Variants in DNAH7 observed in about 807,000 individuals in gnomAD.
DNAH7 encodes dynein axonemal heavy chain 7.
DNAH7 carries 397 observed loss-of-function variants against 444.6 expected under a neutral mutation model. The ratio of observed to expected loss-of-function variants is 0.89; its 90% CI spans 0.82 to 0.97. The LOEUF (loss-of-function observed/expected upper bound fraction) is 0.97, where lower values mean the gene tolerates loss of function less well. DNAH7 is among the 50% of genes least tolerant of loss of function. The pLI is 0.00. For synonymous variants in DNAH7, 1,636 were observed against 1,624.4 expected, an observed-to-expected ratio of 1.01 and a Z score of -0.17; for missense variants, 4,902 against 4,800.8, an observed-to-expected ratio of 1.02 and a Z score of -0.62.
At chr2:195,880,452 C>T (rs1015281284) in intron 36 of DNAH7, among the ~76,000 whole-genome samples, 1 of 151,998 alleles carries the variant, frequency 6.6e-6, no homozygotes, top group African/African-American at 2.4e-5. Context: ...CCTCAGCCAC[C>T]TGAGTAGCTG....
intron 54 of DNAH7, among the ~76,000 whole-genome samples, chr2:195,802,708 C>A (rs990723709): frequency 9.3e-5 from 14 of 150,634 alleles, no homozygotes; most frequent in African/African-American, 2.7e-4. Flanking sequence ...AAAAAAAAAA[C>A]AAAAATTTTG....
rs187438033 is a variant in DNAH7, at chr2:195,919,629, G to A, written c.3935+2459C>T. ...CAAAGTGCTGGGATCACAGGCATGA[G>A]CCACCACACCAGGCCAAAAAGTCTA... On this transcript the variant is annotated intron_variant, in intron 24 of 64. Transcript: ENST00000312428. Among the ~76,000 whole-genome samples the A allele has an allele frequency of 1.8e-3, 271 of 152,254 alleles. 2 individuals are homozygous for A. Among genetic ancestry groups the A allele is most frequent in the Middle Eastern group, 3.4e-3 (1 of 294 alleles).
At chr2:195,803,534 A>T (rs181363077) in intron 54 of DNAH7, among the ~76,000 whole-genome samples, 103 of 152,356 alleles carry the variant, frequency 6.8e-4, no homozygotes, top group African/African-American at 2.5e-3. Flanking sequence ...TTTGCAAGGC[A>T]ACAGAATTGG....
chr2:195,907,072 G>GT, intron 25 of DNAH7, 63 bp from the exon 26 acceptor site: 1 of 1,285,006 alleles, frequency 7.8e-7, no homozygotes, highest in Non-Finnish European at 1.1e-6. Context: ...ATGAAATGTT[G>GT]TATTTTCACC....
chr2:196,041,509 A>G (rs911596358), intron 5 of DNAH7, among the ~76,000 whole-genome samples: 2 of 152,024 alleles, frequency 1.3e-5, no homozygotes, highest in Non-Finnish European at 2.9e-5. Flanking sequence ...GGGTATCCAT[A>G]TGAAGAATAA....
At chr2:195,943,241 G>A (rs561516248) in intron 19 of DNAH7, among the ~76,000 whole-genome samples, 4 of 152,180 alleles carry the variant, frequency 2.6e-5, no homozygotes, top group South Asian at 2.1e-4. Context: ...GAGAACAGAC[G>A]AACATACACA....
chr2:195,762,806 C>CAGGAAAA (rs1236872260), intron 61 of DNAH7, among the ~76,000 whole-genome samples: 1 of 152,066 alleles, frequency 6.6e-6, no homozygotes, highest in South Asian at 2.1e-4. Context: ...CTACTTTCAG[C>CAGGAAAA]ATCAGACAGA....
intron 62 of DNAH7, among the ~76,000 whole-genome samples, chr2:195,755,175 C>A (rs1251828074): frequency 2.6e-5 from 4 of 152,206 alleles, no homozygotes; most frequent in Non-Finnish European, 5.9e-5. Flanking sequence ...ATGTTTTTCA[C>A]TTTTCTTCTC....
At chr2:195,834,742 T>C (rs1208881586) in intron 47 of DNAH7, among the ~76,000 whole-genome samples, 1 of 152,246 alleles carries the variant, frequency 6.6e-6, no homozygotes, top group Non-Finnish European at 1.5e-5. Context: ...TAATGAATCA[T>C]GTGACCTTGA....
intron 28 of DNAH7, among the ~76,000 whole-genome samples, chr2:195,899,596 G>A (rs978931300): frequency 3.3e-5 from 5 of 152,124 alleles, no homozygotes; most frequent in African/African-American, 1.2e-4. Context: ...AGATAAAAAT[G>A]CATCCTATTG....
At chr2:195,884,014 A>G (rs1701570078) in intron 35 of DNAH7, among the ~76,000 whole-genome samples, 1 of 152,182 alleles carries the variant, frequency 6.6e-6, no homozygotes, top group South Asian at 2.1e-4. Context: ...GAAGGATATA[A>G]AGCTGCCCAT....
chr2:195,981,188 G>A lies in DNAH7; in HGVS notation c.1833+3444C>T, dbSNP rs1692548146. On this transcript the variant is annotated intron_variant, in intron 15 of 64. Transcript: ENST00000312428. Reference sequence around the variant, plus strand: ...AGAAACCAGTAGCATTTACATTTACGTATGCCAAAGGTGGGACAATCTGAA... The same window carrying A: ...AGAAACCAGTAGCATTTACATTTACATATGCCAAAGGTGGGACAATCTGAA... Among the ~76,000 whole-genome samples, 3 of 152,014 alleles carry A rather than the reference G, an allele frequency of 2.0e-5. No individual in the cohort carries two copies. In the South Asian group the frequency reaches 6.2e-4, roughly 31 times the overall value.
At chr2:195,861,013 A>C in intron 42 of DNAH7, among the ~76,000 whole-genome samples, 1 of 152,114 alleles carries the variant, frequency 6.6e-6, no homozygotes, top group East Asian at 1.9e-4. Context: ...TGATTTGTTA[A>C]ATCAGAACTT....
chr2:195,880,389 C>T (rs977810022), intron 36 of DNAH7, among the ~76,000 whole-genome samples: 7 of 147,710 alleles, frequency 4.7e-5, no homozygotes, highest in Admixed American at 2.0e-4. Context: ...CGTGCAGTGG[C>T]GCGATCTCGG....
chr2:195,800,109 C>T (rs183123330), intron 54 of DNAH7, among the ~76,000 whole-genome samples: 30 of 152,240 alleles, frequency 2.0e-4, no homozygotes, highest in Non-Finnish European at 3.4e-4. Flanking sequence ...TGTACAGCCT[C>T]GGGTACATCA....
At chr2:195,848,334 CCATGCCAGG>C (rs1229077632) in intron 46 of DNAH7, among the ~76,000 whole-genome samples, 2 of 152,260 alleles carry the variant, frequency 1.3e-5, no homozygotes, top group Non-Finnish European at 2.9e-5. Flanking sequence ...ATTCCTGGCA[CCATGCCAGG>C]TTATGCATCT....
intron 24 of DNAH7, 73 bp from the exon 25 acceptor site, chr2:195,910,268 A>G (rs1021252939): frequency 2.1e-5 from 28 of 1,320,426 alleles, no homozygotes; most frequent in Middle Eastern, 2.0e-4. Flanking sequence ...AAGAAGAGAA[A>G]AAGGTTAAAT....
intron 1 of DNAH7, among the ~76,000 whole-genome samples, chr2:196,067,889 G>A (rs1185496416): frequency 6.6e-6 from 1 of 152,178 alleles, no homozygotes; most frequent in African/African-American, 2.4e-5. Flanking sequence ...TAGAAAGCTA[G>A]AGTTATTTTC....
chr2:195,965,238 G>T (rs1691395577), intron 17 of DNAH7, among the ~76,000 whole-genome samples: 3 of 152,020 alleles, frequency 2.0e-5, no homozygotes, highest in African/African-American at 7.2e-5. Flanking sequence ...TATTATTTTT[G>T]TCGTTCATTC....
Sources: gnomAD v4.1 joint callset for allele counts (sites outside exome capture counted in the v4.1 genomes callset) on GRCh38, gnomAD v4.1.1 for gene constraint, MANE v1.5 for transcripts, NCBI Gene and HGNC (gene_info 2026-07-23, HGNC 2026-07-21) for gene names.